The following CSMD1 variants were observed in gnomAD, a reference collection of about 807,000 sequenced individuals.
The protein encoded by CSMD1 is CUB and Sushi multiple domains 1.
CSMD1 carries 213 observed loss-of-function variants against 417.5 expected under a neutral mutation model. That is an observed-to-expected ratio of 0.51 (90% CI 0.46 to 0.57). The LOEUF (loss-of-function observed/expected upper bound fraction) is 0.57, where lower values mean the gene tolerates loss of function less well. CSMD1 is among the 20% of genes least tolerant of loss of function. The pLI, the probability that CSMD1 is intolerant of heterozygous loss-of-function variation, is 0.00. For synonymous variants in CSMD1, 2,862 were observed against 1,736.8 expected, an observed-to-expected ratio of 1.65 and a Z score of -16.11; for missense variants, 6,923 against 4,529.7, an observed-to-expected ratio of 1.53 and a Z score of -15.17.
chr8:4,549,617 G>A (rs937953819), intron 2 of CSMD1, among the ~76,000 whole-genome samples: 7 of 151,986 alleles, frequency 4.6e-5, no homozygotes, highest in Admixed American at 6.6e-5. Context: ...GGCCGGGCGC[G>A]GTGGCTCACA....
chr8:4,991,637 C>A (rs1811471268), intron 1 of CSMD1, among the ~76,000 whole-genome samples: 1 of 152,126 alleles, frequency 6.6e-6, no homozygotes, highest in Non-Finnish European at 1.5e-5. Flanking sequence ...CTTGCAAGCG[C>A]CTCCGGTGGG....
intron 5 of CSMD1, among the ~76,000 whole-genome samples, chr8:3,891,301 C>T (rs959373525): frequency 2.0e-5 from 3 of 152,118 alleles, no homozygotes; most frequent in African/African-American, 7.2e-5. Context: ...CTACCTGCCT[C>T]AACCTCCCAA....
intron 2 of CSMD1, among the ~76,000 whole-genome samples, chr8:4,450,170 G>C (rs886539158): frequency 7.2e-5 from 11 of 152,134 alleles, no homozygotes; most frequent in African/African-American, 1.7e-4. Context: ...GATATACGTA[G>C]AGTAAAACCG....
chr8:3,265,629 A>C (rs1301840131), intron 26 of CSMD1, among the ~76,000 whole-genome samples: 2 of 152,242 alleles, frequency 1.3e-5, no homozygotes, highest in Non-Finnish European at 2.9e-5. Flanking sequence ...AGAGGAGTGA[A>C]GGTGGAGAAG....
chr8:4,157,170 G>T (rs770971779), intron 3 of CSMD1, among the ~76,000 whole-genome samples: 1 of 152,150 alleles, frequency 6.6e-6, no homozygotes, highest in Non-Finnish European at 1.5e-5. Context: ...ATCAGAAGAA[G>T]ATTTTGGGAC....
At chr8:3,308,117 G>T (rs1415194446) in intron 24 of CSMD1, among the ~76,000 whole-genome samples, 195 bp downstream of exon 24, 2 of 151,886 alleles carry the variant, frequency 1.3e-5, no homozygotes, top group Non-Finnish European at 2.9e-5. Flanking sequence ...CTCCATAACA[G>T]AATACTAGAA....
chr8:4,091,832 A>T (rs1800737570), intron 3 of CSMD1, among the ~76,000 whole-genome samples: 1 of 152,214 alleles, frequency 6.6e-6, no homozygotes, highest in African/African-American at 2.4e-5. Context: ...AAAATGGACT[A>T]TTTAGCAATG....
chr8:4,089,419 C>T (rs1439954871), intron 3 of CSMD1, among the ~76,000 whole-genome samples: 1 of 152,154 alleles, frequency 6.6e-6, no homozygotes, highest in African/African-American at 2.4e-5. Flanking sequence ...ACATGGTTAG[C>T]ATTCTGTGTC....
chr8:4,319,319 A>C (rs1290758089), intron 3 of CSMD1, among the ~76,000 whole-genome samples: 2 of 152,180 alleles, frequency 1.3e-5, no homozygotes, highest in African/African-American at 4.8e-5. Context: ...AAATGAATTA[A>C]AAAGTCTTAG....
intron 5 of CSMD1, among the ~76,000 whole-genome samples, chr8:3,777,909 C>T (rs1798980032): frequency 6.6e-6 from 1 of 151,460 alleles, no homozygotes; most frequent in Non-Finnish European, 1.5e-5. Flanking sequence ...AGTTCCCACT[C>T]CAGACCCGCA....
At chr8:4,311,764 C>T (rs998626182) in intron 3 of CSMD1, among the ~76,000 whole-genome samples, 5 of 147,856 alleles carry the variant, frequency 3.4e-5, no homozygotes, top group East Asian at 2.1e-4. Context: ...TATGAGAGTT[C>T]ATAGAGGGGA....
chr8:4,307,479 T>G (rs1048561125), intron 3 of CSMD1, among the ~76,000 whole-genome samples: 2 of 152,176 alleles, frequency 1.3e-5, no homozygotes, highest in Non-Finnish European at 2.9e-5. Context: ...CCAAGGATAT[T>G]AACAGGAAAT....
chr8:2,985,206 C>G lies in CSMD1; in HGVS notation c.8378-6406G>C, dbSNP rs183851229. On this transcript the variant is annotated intron_variant, in intron 54 of 69. Coordinates refer to ENST00000635120, the MANE Select transcript of CSMD1 (RefSeq NM_033225.6). ...AAGCAGACTGGAAATATACCATGTT[C>G]AAAGCTTTATTTTGTTTTCAAAAAG... Among the ~76,000 whole-genome samples the G allele has an allele frequency of 4.6e-3, 706 of 152,274 alleles. 5 individuals carry two copies. Among genetic ancestry groups the G allele is most frequent in the Non-Finnish European group, 6.0e-3 (405 of 68,000 alleles).
At chr8:4,297,201 A>T (rs940671111) in intron 3 of CSMD1, among the ~76,000 whole-genome samples, 2 of 152,114 alleles carry the variant, frequency 1.3e-5, no homozygotes, top group African/African-American at 4.8e-5. Flanking sequence ...GTATTTTTTT[A>T]AATCCCTGGA....
At chr8:4,346,444 A>C (rs1301635636) in intron 3 of CSMD1, among the ~76,000 whole-genome samples, 1 of 152,108 alleles carries the variant, frequency 6.6e-6, no homozygotes, top group Non-Finnish European at 1.5e-5. Flanking sequence ...CTGGCCCTTT[A>C]AAGCAAGGCT....
chr8:3,447,912 G>A (rs1020714220), intron 12 of CSMD1, among the ~76,000 whole-genome samples: 2 of 152,134 alleles, frequency 1.3e-5, no homozygotes, highest in Non-Finnish European at 2.9e-5. Flanking sequence ...CCCCAGAGGA[G>A]CTGGAAGCTA....
intron 3 of CSMD1, among the ~76,000 whole-genome samples, chr8:4,032,723 C>T (rs756714818): frequency 3.3e-5 from 5 of 152,164 alleles, no homozygotes; most frequent in Non-Finnish European, 5.9e-5. Context: ...GTGTCTGATT[C>T]AAAAGCAAGT....
chr8:4,055,480 T>C (rs1340085472), intron 3 of CSMD1, among the ~76,000 whole-genome samples: 1 of 151,944 alleles, frequency 6.6e-6, no homozygotes, highest in African/African-American at 2.4e-5. Context: ...ATGAAATACA[T>C]ATGTAAAGCA....
chr8:4,349,552 T>TA (rs1244203167), intron 3 of CSMD1, among the ~76,000 whole-genome samples: 2 of 152,156 alleles, frequency 1.3e-5, no homozygotes, highest in Non-Finnish European at 2.9e-5. Flanking sequence ...CATGCTTTTT[T>TA]ATATTAGGTG....
Sources: allele counts gnomAD v4.1 joint callset (sites outside exome capture counted in the v4.1 genomes callset), GRCh38; gene constraint gnomAD v4.1.1; transcripts MANE v1.5; gene names NCBI Gene and HGNC (gene_info 2026-07-23, HGNC 2026-07-21).